GABRG1: variants seen among roughly 807,000 people sequenced by gnomAD.
GABRG1 encodes the protein gamma-aminobutyric acid receptor subunit gamma-1.
GABRG1 carries 49 observed loss-of-function variants against 49.8 expected under a neutral mutation model. The observed-to-expected ratio is 0.98, with a 90% CI of 0.78 to 1.25. GABRG1 has a LOEUF of 1.25. GABRG1 is among the 50% of genes most tolerant of loss of function. The probability of loss-of-function intolerance (pLI) is 0.00; values close to 1 mark genes in which losing one functional copy is unlikely to be tolerated. For missense variants in GABRG1, 552 were observed against 552.3 expected, an observed-to-expected ratio of 1.00 and a Z score of 0.01; for synonymous variants, 232 against 185.1, an observed-to-expected ratio of 1.25 and a Z score of -2.06.
At chr4:46,105,400 GT>G (rs1266474549) in intron 1 of GABRG1, among the ~76,000 whole-genome samples, 2 of 151,396 alleles carry the variant, frequency 1.3e-5, no homozygotes, top group Non-Finnish European at 3.0e-5. Flanking sequence ...AAACACTACT[GT>G]TTTTTTGTAA....
chr4:46,074,734 C>G (rs1189469031), intron 3 of GABRG1, among the ~76,000 whole-genome samples: 1 of 152,056 alleles, frequency 6.6e-6, no homozygotes, highest in African/African-American at 2.4e-5. Context: ...TAAGCCTTTG[C>G]TAGATATAAA....
chr4:46,105,265 A>G (rs1355055540), intron 1 of GABRG1, among the ~76,000 whole-genome samples: 1 of 151,496 alleles, frequency 6.6e-6, no homozygotes, highest in African/African-American at 2.4e-5. Context: ...TCTAAAACTG[A>G]CTTGCGAAAG....
At chr4:46,062,643 T>A (rs369777982) in intron 5 of GABRG1, among the ~76,000 whole-genome samples, 1 of 152,212 alleles carries the variant, frequency 6.6e-6, no homozygotes, top group African/African-American at 2.4e-5. Context: ...TGAGCATTTT[T>A]TCATGTGTCT....
chr4:46,083,571 T>C (rs1719649060), intron 3 of GABRG1, among the ~76,000 whole-genome samples: 1 of 151,726 alleles, frequency 6.6e-6, no homozygotes, highest in Admixed American at 6.6e-5. Flanking sequence ...AACATCAAAT[T>C]GCTGGAAGTC....
At chr4:46,105,834 T>TA (rs71193843) in intron 1 of GABRG1, among the ~76,000 whole-genome samples, 25 of 131,084 alleles carry the variant, frequency 1.9e-4, no homozygotes, top group African/African-American at 6.3e-4. Flanking sequence ...GATAGATAGA[T>TA]GATAGATATT....
At chr4:46,105,498 T>G (rs570440130) in intron 1 of GABRG1, among the ~76,000 whole-genome samples, 1 of 151,298 alleles carries the variant, frequency 6.6e-6, no homozygotes, top group African/African-American at 2.4e-5. Context: ...TGGAGAAAAT[T>G]TGGAAATTAT....
intron 4 of GABRG1, among the ~76,000 whole-genome samples, chr4:46,064,860 A>G (rs1477574228): frequency 6.6e-6 from 1 of 152,126 alleles, no homozygotes; most frequent in Admixed American, 6.5e-5. Flanking sequence ...ATGGTTAAGT[A>G]TGGTAATTTT....
At chr4:46,121,705 G>T (rs928434901) in intron 1 of GABRG1, among the ~76,000 whole-genome samples, 1 of 151,592 alleles carries the variant, frequency 6.6e-6, no homozygotes, top group Non-Finnish European at 1.5e-5. Context: ...TTATGTTTTT[G>T]GGGGTACTTT....
At chr4:46,105,650 A>T (rs1720508564) in intron 1 of GABRG1, among the ~76,000 whole-genome samples, 1 of 151,480 alleles carries the variant, frequency 6.6e-6, no homozygotes, top group Non-Finnish European at 1.5e-5. Flanking sequence ...TACCACCATA[A>T]TTAATTTGAA....
At position 46,090,052 on chromosome 4, in the gene GABRG1, A is replaced by G. The variant is rs531179458; in HGVS notation, c.254-5999T>C. Among the ~76,000 whole-genome samples, 70 of 152,222 alleles carry G rather than the reference A, an allele frequency of 4.6e-4. No individual in the cohort carries two copies. In the South Asian group the frequency reaches 0.013, roughly 29 times the overall value. On this transcript the variant is annotated intron_variant, in intron 2 of 8. Transcript: ENST00000295452. The stretch of plus-strand genomic sequence containing the variant: ...CAAAACCTTTCTATGTTAATTCTCC[A>G]TTAAGTTCAGAAGACCTCAATAAGT...
intron 8 of GABRG1, among the ~76,000 whole-genome samples, chr4:46,046,337 C>T (rs942282419): frequency 3.3e-5 from 5 of 152,036 alleles, no homozygotes; most frequent in African/African-American, 4.8e-5. Context: ...GGTATCTATA[C>T]ACTCCAGGGA....
intron 1 of GABRG1, among the ~76,000 whole-genome samples, chr4:46,100,456 C>T (rs1205576426): frequency 7.6e-6 from 1 of 131,402 alleles, no homozygotes; most frequent in Non-Finnish European, 1.6e-5. Context: ...TTACATGTAC[C>T]CCTGAACTTA....
intron 3 of GABRG1, among the ~76,000 whole-genome samples, chr4:46,066,001 C>T (rs897268970): frequency 1.3e-5 from 2 of 152,140 alleles, no homozygotes; most frequent in African/African-American, 2.4e-5. Flanking sequence ...GGATTACAGG[C>T]GTGAGCCACC....
chr4:46,049,012 T>C (rs1414383520), intron 8 of GABRG1, among the ~76,000 whole-genome samples: 2 of 151,958 alleles, frequency 1.3e-5, no homozygotes, highest in Non-Finnish European at 2.9e-5. Context: ...AGCCAAAGTA[T>C]TGCATCCTAG....
At chr4:46,086,472 A>G (rs530565555) in intron 2 of GABRG1, among the ~76,000 whole-genome samples, 2 of 151,652 alleles carry the variant, frequency 1.3e-5, no homozygotes, top group South Asian at 4.1e-4. Context: ...TTTCACTAAG[A>G]TATCTTTAGC....
intron 1 of GABRG1, among the ~76,000 whole-genome samples, chr4:46,113,068 C>A (rs1224956954): frequency 6.6e-6 from 1 of 151,114 alleles, no homozygotes. Context: ...AGTATTTGTT[C>A]AAATATTATT....
At chr4:46,062,401 A>T (rs1450289671) in intron 5 of GABRG1, among the ~76,000 whole-genome samples, 2 of 152,068 alleles carry the variant, frequency 1.3e-5, no homozygotes, top group East Asian at 1.9e-4. Flanking sequence ...AGTAATGGGA[A>T]GGCTGGGTCA....
At chr4:46,071,675 C>T (rs1719128857) in intron 3 of GABRG1, among the ~76,000 whole-genome samples, 1 of 150,778 alleles carries the variant, frequency 6.6e-6, no homozygotes, top group Non-Finnish European at 1.5e-5. Context: ...TGATTCTGAC[C>T]ATGTAGACTA....
chr4:46,064,243 T>C (rs1718821770), intron 5 of GABRG1, among the ~76,000 whole-genome samples, 198 bp downstream of exon 5: 1 of 152,096 alleles, frequency 6.6e-6, no homozygotes, highest in African/African-American at 2.4e-5. Context: ...ATAAAATATA[T>C]GCATTCATAA....
Sources: gnomAD v4.1 joint callset for allele counts (sites outside exome capture counted in the v4.1 genomes callset) on GRCh38, gnomAD v4.1.1 for gene constraint, MANE v1.5 for transcripts, NCBI Gene and HGNC (gene_info 2026-07-23, HGNC 2026-07-21) for gene names.